UGT1A5: variants seen among roughly 807,000 people sequenced by gnomAD.
UGT1A5 encodes the protein UDP-glucuronosyltransferase 1A5.
A neutral mutation model predicts 40.3 loss-of-function variants in UGT1A5; 29 were observed. That is an observed-to-expected ratio of 0.72 (90% CI 0.54 to 0.98). UGT1A5 has a LOEUF of 0.98. Among genes scored for constraint, UGT1A5 ranks in the 50% least tolerant of loss-of-function variants. UGT1A5 has a pLI of 0.00. For missense variants in UGT1A5, 678 were observed against 677.9 expected (o/e 1.00, Z 0.00); for synonymous variants, 257 against 262.5 (o/e 0.98, Z 0.20).
chr2:233,762,367 A>G lies in UGT1A5; in HGVS notation c.868-4667A>G, dbSNP rs34270252. ...GTTCTTTGTACTCCAGCTATTACAT[A>G]CCAATATGTATATAGAAACATATGT... On this transcript the variant is annotated intron_variant, in intron 1 of 4. Transcript: ENST00000373414. 2.9e-4 allele frequency among the ~76,000 whole-genome samples: 44 copies of G among 152,378 alleles called. 2 individuals are homozygous for G. The East Asian group carries it at 8.1e-3, about 28-fold the overall frequency.
rs1469426427 is a variant in UGT1A5, at chr2:233,723,650, T to C, written c.867+9792T>C. Among the ~76,000 whole-genome samples, 5 of 102,194 alleles carry C rather than the reference T, an allele frequency of 4.9e-5. 1 individual carries two copies. Among genetic ancestry groups the C allele is most frequent in the African/African-American group, 1.4e-4 (3 of 21,894 alleles). 67.0% of individuals were successfully genotyped at this position (102,194 alleles called of 152,430 possible). A position where few individuals can be genotyped will look rare whatever the true frequency, so the allele number is the denominator to read the frequency against. On this transcript the variant is annotated intron_variant, in intron 1 of 4. Coordinates refer to ENST00000373414, the MANE Select transcript of UGT1A5 (RefSeq NM_019078.2). ...AGATAAACAAGTGAACAAAGGTCTC[T>C]GGTTTTCCCAGGCAGAGGACCCTGC...
chr2:233,751,985 A>C (rs1248686220), intron 1 of UGT1A5, among the ~76,000 whole-genome samples: 1 of 152,196 alleles, frequency 6.6e-6, no homozygotes, highest in Non-Finnish European at 1.5e-5. Flanking sequence ...ATGAATCTGC[A>C]TTTATTGAGA....
chr2:233,718,753 G>T, intron 1 of UGT1A5: 5 of 1,612,362 alleles, frequency 3.1e-6, no homozygotes, highest in Non-Finnish European at 4.2e-6. Flanking sequence ...AGGTAATTAA[G>T]GCGAAGGAAA....
At chr2:233,726,821 A>G (rs4294999) in intron 1 of UGT1A5, among the ~76,000 whole-genome samples, 81,640 of 151,974 alleles carry the variant, frequency 0.54, 23,585 homozygotes, top group African/African-American at 0.76. Context: ...CCTCTATTCG[A>G]CCATTTAAAT....
chr2:233,713,616 C>A lies in UGT1A5; in HGVS notation c.625C>A (p.Gln209Lys), dbSNP rs749122240. The change falls in exon 1 of 5, where the codon CAA becomes AAA. Residue 209 changes from glutamine to lysine, a missense_variant. Physicochemically the swap from Gln to Lys is moderately conservative, Grantham distance 53 (BLOSUM62 1). Transcript: ENST00000373414. The part of the protein sequence containing the change: ...TTNSDHMTFL[Q>K]RVKNMLYPLA... ...CAATTCAGACCACATGACATTCCTGCAAAGGGTCAAGAACATGCTCTACCC... is the reference window on the plus strand; with the variant it reads ...CAATTCAGACCACATGACATTCCTGAAAAGGGTCAAGAACATGCTCTACCC... 7.4e-6 allele frequency: 12 copies of A among 1,613,980 alleles called. No homozygotes were observed. The highest frequency in any genetic ancestry group is 3.3e-4 in the Middle Eastern group (2 of 6,056).
At chr2:233,726,002 C>CA (rs1248368062) in intron 1 of UGT1A5, among the ~76,000 whole-genome samples, 5 of 151,912 alleles carry the variant, frequency 3.3e-5, no homozygotes, top group African/African-American at 1.2e-4. Flanking sequence ...TGCATCTCTA[C>CA]AAAAAATCAA....
chr2:233,723,584 A>C (rs1403831697), intron 1 of UGT1A5, among the ~76,000 whole-genome samples: 1 of 77,864 alleles, frequency 1.3e-5, no homozygotes, highest in Non-Finnish European at 2.3e-5. Context: ...ACAGAGGGGG[A>C]TTTGGCAGGG....
chr2:233,750,970 G>T (rs1694602078), intron 1 of UGT1A5, among the ~76,000 whole-genome samples: 1 of 151,844 alleles, frequency 6.6e-6, no homozygotes, highest in South Asian at 2.1e-4. Flanking sequence ...GCACTGCCTA[G>T]TGGAGTTGTG....
At chr2:233,762,434 G>T (rs1698074575) in intron 1 of UGT1A5, among the ~76,000 whole-genome samples, 1 of 152,184 alleles carries the variant, frequency 6.6e-6, no homozygotes, top group Non-Finnish European at 1.5e-5. Flanking sequence ...GAGTAACAGT[G>T]TATTCCCACT....
At chr2:233,724,741 C>T (rs1331801697) in intron 1 of UGT1A5, among the ~76,000 whole-genome samples, 1 of 144,478 alleles carries the variant, frequency 6.9e-6, no homozygotes, top group Non-Finnish European at 1.5e-5. Context: ...AGGGGCTCCT[C>T]ACATCCCAGA....
chr2:233,755,278 G>T, intron 1 of UGT1A5: 4 of 710,378 alleles, frequency 5.6e-6, no homozygotes, highest in Non-Finnish European at 8.6e-6. Flanking sequence ...ATGCTGGACT[G>T]CCAAAGAGCC....
chr2:233,767,201 T>C lies in UGT1A5; in HGVS notation c.999+36T>C, dbSNP rs756377002. 1.3e-4 allele frequency: 211 copies of C among 1,613,460 alleles called. 4 individuals are homozygous for C. In the South Asian group the frequency reaches 2.3e-3, roughly 17 times the overall value. ...TCTATACCATGGCCTCATATCTATT[T>C]TCACAGGAGCGCTAATCCCAGACTT... On this transcript the variant is annotated intron_variant, in intron 2 of 4. Transcript: ENST00000373414.
intron 1 of UGT1A5, among the ~76,000 whole-genome samples, chr2:233,726,980 A>G (rs1337493620): frequency 1.3e-5 from 2 of 152,116 alleles, no homozygotes; most frequent in Non-Finnish European, 2.9e-5. Context: ...TTAGATTTTG[A>G]TGAGGTTCTT....
At position 233,713,118 on chromosome 2, in the gene UGT1A5, A is replaced by G. The variant is rs45441297; in HGVS notation, c.127A>G (p.Ser43Gly). 3.1e-4 allele frequency: 500 copies of G among 1,614,224 alleles called. 3 individuals are homozygous for G. In the East Asian group the frequency reaches 4.3e-3, roughly 14 times the overall value. ...GCCCACTGATGGCAGCCACTGGCTC[A>G]GCATGCGGGAGGCCTTGCGGGACCT... ...VVPTDGSHWL[S>G]MREALRDLHA... The change falls in exon 1 of 5, where the codon AGC becomes GGC. Residue 43 changes from serine to glycine, a missense_variant. Ser to Gly is a moderately conservative substitution (Grantham distance 56). Coordinates refer to ENST00000373414, the MANE Select transcript of UGT1A5 (RefSeq NM_019078.2).
At chr2:233,717,209 CG>C (rs1559362356) in intron 1 of UGT1A5, among the ~76,000 whole-genome samples, 1 of 152,166 alleles carries the variant, frequency 6.6e-6, no homozygotes, top group African/African-American at 2.4e-5. Flanking sequence ...ACCCTCACCC[CG>C]GGCTCATCAG....
chr2:233,719,346 A>C (rs45540231), intron 1 of UGT1A5: 4 of 1,613,698 alleles, frequency 2.5e-6, no homozygotes, highest in Non-Finnish European at 3.4e-6. Flanking sequence ...TTGGAGGTAC[A>C]TTCCATGTGA....
rs2078811947 is a variant in UGT1A5 at position 233,736,813 on chromosome 2, C to T, written c.867+22955C>T. 3.9e-5 allele frequency among the ~76,000 whole-genome samples: 6 copies of T among 152,224 alleles called. No individual in the cohort carries two copies. The South Asian group carries it at 1.2e-3, about 31-fold the overall frequency. Reference sequence around the variant, plus strand: ...TCTGTTGGAGTTTGCTGGAGGTCCACTCCAGATGCTCTTTGCTTTGGTATC... The same window carrying T: ...TCTGTTGGAGTTTGCTGGAGGTCCATTCCAGATGCTCTTTGCTTTGGTATC... On this transcript the variant is annotated intron_variant, in intron 1 of 4. Transcript: ENST00000373414.
In UGT1A5 at chr2:233,729,401, A is replaced by G. The variant is rs1464724125; in HGVS notation, c.867+15543A>G. ...TGGACCCAGGATGAATTTGATCGCCATGTGCTGGGCCACACTCAACTGTAC... is the reference window on the plus strand; with the variant it reads ...TGGACCCAGGATGAATTTGATCGCCGTGTGCTGGGCCACACTCAACTGTAC... On this transcript the variant is annotated intron_variant, in intron 1 of 4. Coordinates refer to ENST00000373414, the MANE Select transcript of UGT1A5 (RefSeq NM_019078.2). 1.2e-6 allele frequency: 2 copies of G among 1,613,850 alleles called. No homozygotes were observed. The highest frequency in any genetic ancestry group is 3.3e-5 in the Admixed American group (2 of 60,024).
Position 233,713,564 on chromosome 2 carries a change from C to T in UGT1A5, c.573C>T (p.Ser191=). The change falls in exon 1 of 5, where the codon TCC becomes TCT. Residue 191 remains serine (S), a synonymous_variant. Coordinates refer to ENST00000373414, the MANE Select transcript of UGT1A5 (RefSeq NM_019078.2). Reference sequence around the variant, plus strand: ...AGGGCACACAGTGTCCAAACCCTTCCTCCTATATTCCTAGATTACTAACGA... The same window carrying T: ...AGGGCACACAGTGTCCAAACCCTTCTTCCTATATTCCTAGATTACTAACGA... ...DFKGTQCPNP[S]SYIPRLLTTN... The T allele has an allele frequency of 6.2e-7, 1 of 1,613,960 alleles. No individual in the cohort carries two copies. Among genetic ancestry groups the T allele is most frequent in the South Asian group, 1.1e-5 (1 of 91,070 alleles).
Sources: allele counts gnomAD v4.1 joint callset (sites outside exome capture counted in the v4.1 genomes callset), GRCh38; gene constraint gnomAD v4.1.1; transcripts MANE v1.5; gene names NCBI Gene and HGNC (gene_info 2026-07-23, HGNC 2026-07-21).